NRG1: variants seen among roughly 807,000 people sequenced by gnomAD.
NRG1 encodes the protein pro-neuregulin-1, membrane-bound isoform.
In NRG1, 18 loss-of-function variants were observed where a neutral mutation model predicts 63.8. The ratio of observed to expected loss-of-function variants is 0.28; its 90% CI spans 0.19 to 0.42. NRG1 has a LOEUF of 0.42. NRG1 is among the 10% of genes least tolerant of loss of function. The pLI, the probability that NRG1 is intolerant of heterozygous loss-of-function variation, is 1.00. For missense variants in NRG1, 762 were observed against 814.7 expected (o/e 0.94, Z 0.79); for synonymous variants, 302 against 301.3 (o/e 1.00, Z -0.02).
chr8:32,370,111 A>G (rs76581304), intron 1 of NRG1, among the ~76,000 whole-genome samples: 8,580 of 152,314 alleles, frequency 0.056, 319 homozygotes, highest in Middle Eastern at 0.099. Context: ...ATAAAAAGCC[A>G]GCTTTCTCTG....
chr8:31,889,900 A>G (rs1780381026), intron 1 of NRG1, among the ~76,000 whole-genome samples: 1 of 152,240 alleles, frequency 6.6e-6, no homozygotes, highest in South Asian at 2.1e-4. Context: ...GGATCAATCC[A>G]TGCCAACAAC....
intron 6 of NRG1, chr8:32,728,542 A>G (rs1187140901): frequency 1.0e-6 from 1 of 985,246 alleles, no homozygotes; most frequent in African/African-American, 1.7e-5. Context: ...TTACTGACAT[A>G]TATCTATTAC....
chr8:31,664,394 A>G (rs1043348252), intron 1 of NRG1, among the ~76,000 whole-genome samples: 3 of 152,212 alleles, frequency 2.0e-5, no homozygotes, highest in Admixed American at 2.0e-4. Context: ...AAGGTTGGAA[A>G]TATGAGTGAG....
At chr8:31,902,173 A>G (rs1177055110) in intron 1 of NRG1, among the ~76,000 whole-genome samples, 1 of 152,208 alleles carries the variant, frequency 6.6e-6, no homozygotes, top group Non-Finnish European at 1.5e-5. Context: ...GAAAGTTATT[A>G]GAAAAACAAG....
At chr8:31,708,387 A>G (rs1183601738) in intron 1 of NRG1, among the ~76,000 whole-genome samples, 1 of 152,094 alleles carries the variant, frequency 6.6e-6, no homozygotes, top group Non-Finnish European at 1.5e-5. Context: ...CGTGGAACAG[A>G]CTACTCCCCT....
intron 1 of NRG1, among the ~76,000 whole-genome samples, chr8:31,841,149 G>A (rs1826165564): frequency 6.6e-6 from 1 of 152,034 alleles, no homozygotes; most frequent in Non-Finnish European, 1.5e-5. Context: ...GAATTACTGA[G>A]GGTTGGAGGT....
chr8:32,028,327 G>A (rs1420060825), intron 1 of NRG1, among the ~76,000 whole-genome samples: 1 of 152,076 alleles, frequency 6.6e-6, no homozygotes, highest in Admixed American at 6.6e-5. Context: ...GATATGTATG[G>A]TTTATGGTTC....
At chr8:32,121,967 G>A (rs138934371) in intron 1 of NRG1, among the ~76,000 whole-genome samples, 2,138 of 152,058 alleles carry the variant, frequency 0.014, 30 homozygotes, top group South Asian at 0.059. Flanking sequence ...CTATAGGCCA[G>A]GGAAGTTTCT....
At position 32,184,035 on chromosome 8, in the gene NRG1, A is replaced by G. The variant is rs1841709296; in HGVS notation, c.38-411793A>G. On this transcript the variant is annotated intron_variant, in intron 1 of 10. Coordinates refer to the NRG1 transcript ENST00000519301. ...GTGATAGAATCTTGGAAAAATAGCA[A>G]TTCCCCATTATGTATACACACAATA... 1.3e-5 allele frequency among the ~76,000 whole-genome samples: 2 copies of G among 151,994 alleles called. 1 individual carries two copies. Among genetic ancestry groups the G allele is most frequent in the South Asian group, 4.1e-4 (2 of 4,826 alleles).
At chr8:32,397,357 G>A (rs1435044744) in intron 1 of NRG1, among the ~76,000 whole-genome samples, 1 of 152,008 alleles carries the variant, frequency 6.6e-6, no homozygotes, top group Admixed American at 6.6e-5. Flanking sequence ...AGGTTATTGG[G>A]ATGTTAGTTT....
intron 1 of NRG1, among the ~76,000 whole-genome samples, chr8:31,884,506 T>G (rs1366952252): frequency 2.0e-5 from 3 of 152,078 alleles, no homozygotes; most frequent in Non-Finnish European, 4.4e-5. Context: ...GTAAGAAACC[T>G]TGACAGAACT....
intron 1 of NRG1, among the ~76,000 whole-genome samples, chr8:32,491,877 GATGGGGTATC>G (rs1826619601): frequency 6.6e-6 from 1 of 152,168 alleles, no homozygotes. Flanking sequence ...CTGGGAATTA[GATGGGGTATC>G]ATTCCCCCTT....
intron 1 of NRG1, among the ~76,000 whole-genome samples, chr8:32,192,742 G>A (rs1053251972): frequency 4.0e-5 from 6 of 151,842 alleles, no homozygotes; most frequent in African/African-American, 1.2e-4. Flanking sequence ...AATTAAACTT[G>A]AAAAAAATAA....
chr8:32,763,567 G>T (rs545411023), intron 11 of NRG1, among the ~76,000 whole-genome samples, 181 bp from the exon 12 acceptor site: 1 of 152,210 alleles, frequency 6.6e-6, no homozygotes, highest in Non-Finnish European at 1.5e-5. Context: ...GAAACTCTTG[G>T]CTACCTAATT....
At chr8:31,927,739 C>T (rs1222997953) in intron 1 of NRG1, among the ~76,000 whole-genome samples, 6 of 150,674 alleles carry the variant, frequency 4.0e-5, no homozygotes, top group East Asian at 3.9e-4. Flanking sequence ...TGAGCCACCG[C>T]GCCCGGCCTA....
chr8:32,723,911 T>C lies in NRG1; in HGVS notation c.503-4038T>C, dbSNP rs1821383111. On this transcript the variant is annotated intron_variant, in intron 5 of 11. Coordinates refer to ENST00000356819, the Ensembl canonical transcript of NRG1. ...AATGATAATAGTAGTCCCCCAGTTC[T>C]CAGCTATTTCAGAGAACTGTCCAGC... Among the ~76,000 whole-genome samples the C allele has an allele frequency of 2.0e-5, 3 of 152,232 alleles. No individual in the cohort carries two copies. In the South Asian group the frequency reaches 6.2e-4, roughly 32 times the overall value.
At chr8:31,852,117 T>G (rs1468829658) in intron 1 of NRG1, among the ~76,000 whole-genome samples, 2 of 152,040 alleles carry the variant, frequency 1.3e-5, no homozygotes, top group Non-Finnish European at 2.9e-5. Context: ...CCTTTGGGTA[T>G]ATACCCAGTA....
intron 1 of NRG1, among the ~76,000 whole-genome samples, chr8:32,366,677 GTATATATATATATATATATA>G (rs71208175): frequency 2.3e-5 from 2 of 87,522 alleles, no homozygotes; most frequent in African/African-American, 4.6e-5. Flanking sequence ...GTGTGTGTGT[GTATATATATATATATATATA>G]TATATATATA....
At chr8:32,061,191 G>C (rs1823794766) in intron 1 of NRG1, among the ~76,000 whole-genome samples, 1 of 151,816 alleles carries the variant, frequency 6.6e-6, no homozygotes, top group Admixed American at 6.6e-5. Context: ...TACATACCTA[G>C]AGCATCACAA....
Sources: gnomAD v4.1 joint callset for allele counts (sites outside exome capture counted in the v4.1 genomes callset) on GRCh38, gnomAD v4.1.1 for gene constraint, MANE v1.5 for transcripts, NCBI Gene and HGNC (gene_info 2026-07-23, HGNC 2026-07-21) for gene names.